The following BRF1 variants were observed in gnomAD, a reference collection of about 807,000 sequenced individuals.
BRF1 encodes the protein BRF1 general transcription factor IIIB subunit.
Under a neutral mutation model 81.7 loss-of-function variants are expected in BRF1, and 59 were observed. The observed-to-expected ratio is 0.72, with a 90% CI of 0.59 to 0.90. BRF1 has a LOEUF of 0.90. Ranked by LOEUF, BRF1 falls within the 40% of genes least tolerant of loss-of-function variation. BRF1 has a pLI of 0.00. For missense variants in BRF1, 1,050 were observed against 936.3 expected, an observed-to-expected ratio of 1.12 and a Z score of -1.58; for synonymous variants, 491 against 395.6, an observed-to-expected ratio of 1.24 and a Z score of -2.86.
At chr14:105,296,912 T>C (rs1399020008) in intron 1 of BRF1, among the ~76,000 whole-genome samples, 1 of 152,044 alleles carries the variant, frequency 6.6e-6, no homozygotes, top group Non-Finnish European at 1.5e-5. Context: ...TTCCAGCACT[T>C]TGAGAGGCTG....
chr14:105,285,079 C>T (rs587646851), intron 2 of BRF1, among the ~76,000 whole-genome samples: 1 of 152,266 alleles, frequency 6.6e-6, no homozygotes, highest in Non-Finnish European at 1.5e-5. Context: ...ACTGTTTAGG[C>T]GGCAGTGTTC....
chr14:105,229,384 T>C (rs1050995542), intron 6 of BRF1, among the ~76,000 whole-genome samples: 1 of 152,188 alleles, frequency 6.6e-6, no homozygotes, highest in African/African-American at 2.4e-5. Context: ...GAACGGCTTC[T>C]CAGGTGGACT....
At chr14:105,242,381 G>C (rs75804509) in intron 5 of BRF1, 1 of 152,106 alleles carries the variant, frequency 6.6e-6, no homozygotes, top group Non-Finnish European at 1.5e-5. Flanking sequence ...CAATTGCTAA[G>C]ATTTTTAATG....
chr14:105,259,169 T>G (rs2056035321), intron 3 of BRF1, among the ~76,000 whole-genome samples: 1 of 152,042 alleles, frequency 6.6e-6, no homozygotes, highest in African/African-American at 2.4e-5. Flanking sequence ...GTCAGCCAGG[T>G]GCAGTGGCTC....
Position 105,226,240 on chromosome 14 carries a change from T to C in BRF1, c.955+11A>G, listed in dbSNP as rs1173897764. On this transcript the variant is annotated intron_variant, in intron 9 of 17. Transcript: ENST00000547530. ...AAACAGAAGCATTACATGGGAAGAT[T>C]GGTTGGTTACCTTCAACCTCCTCCA... 1.2e-6 allele frequency: 2 copies of C among 1,614,096 alleles called. No homozygotes were observed. The highest frequency in any genetic ancestry group is 1.7e-6 in the Non-Finnish European group (2 of 1,180,034).
rs587666677 is a variant in BRF1 at position 105,288,617 on chromosome 14, ATTTC to A, written c.185-2245_185-2242del. 9.6e-3 allele frequency among the ~76,000 whole-genome samples: 1,423 copies of A among 148,454 alleles called. 5 individuals are homozygous for A. The highest frequency in any genetic ancestry group is 0.011 in the African/African-American group (452 of 40,520). The stretch of plus-strand genomic sequence containing the variant: ...CAGCCTGGGCAACACGGGGAGACCC[ATTTC>A]TTTCTTTCTTTCTTTCTTTTTTTTT... On this transcript the variant is annotated intron_variant, in intron 1 of 17. Coordinates refer to ENST00000547530, the MANE Select transcript of BRF1 (RefSeq NM_001519.4).
At chr14:105,219,768 G>T (rs200757800) in intron 12 of BRF1, 211 of 511,034 alleles carry the variant, frequency 4.1e-4, no homozygotes, top group East Asian at 3.8e-3. Flanking sequence ...GAGACCCCTC[G>T]AGGGGCTGCC....
At chr14:105,228,743 C>T (rs2054221565) in intron 7 of BRF1, 77 bp downstream of exon 7, 19 of 1,545,088 alleles carry the variant, frequency 1.2e-5, no homozygotes, top group Non-Finnish European at 1.6e-5. Flanking sequence ...GAGGTGGCGC[C>T]TGCTCTGGCA....
chr14:105,225,721 C>G (rs773052654), intron 10 of BRF1, among the ~76,000 whole-genome samples: 1 of 151,896 alleles, frequency 6.6e-6, no homozygotes, highest in Non-Finnish European at 1.5e-5. Flanking sequence ...GATCTTGGCT[C>G]ACTGCTACCT....
chr14:105,219,173 G>A lies in BRF1; in HGVS notation c.1437C>T (p.Ala479=), dbSNP rs142575478. Residue 479 remains alanine, a synonymous_variant, in exon 13 of 18, where the codon GCC becomes GCT. Transcript: ENST00000547530. The part of the protein sequence containing the change: ...VKAELWMREN[A]EYLREQREKE... ...TACCCCTCTGTTCCCGCAGGTACTC[G>A]GCGTTCTCCCTCATCCACAGCTCGG... 1.9e-5 allele frequency: 31 copies of A among 1,612,252 alleles called. No individual in the cohort carries two copies. The highest frequency in any genetic ancestry group is 1.6e-4 in the African/African-American group (12 of 74,906).
chr14:105,278,375 TG>T (rs894245703), intron 2 of BRF1, among the ~76,000 whole-genome samples: 8 of 147,614 alleles, frequency 5.4e-5, no homozygotes, highest in Non-Finnish European at 1.2e-4. Flanking sequence ...GAGGCTGCAG[TG>T]AGCCATGATC....
intron 7 of BRF1, 147 bp from the exon 8 acceptor site, chr14:105,226,907 G>C: frequency 1.8e-6 from 2 of 1,137,878 alleles, no homozygotes; most frequent in Non-Finnish European, 2.5e-6. Flanking sequence ...CCAAGACTTT[G>C]AGACCAGCCT....
chr14:105,225,076 C>T (rs587740527), intron 10 of BRF1, among the ~76,000 whole-genome samples: 22 of 152,278 alleles, frequency 1.4e-4, no homozygotes, highest in African/African-American at 3.6e-4. Context: ...TTGGGGGCTC[C>T]GGCTGCCACA....
Position 105,220,130 on chromosome 14 carries a change from T to G in BRF1, c.1316A>C (p.Lys439Thr). The G allele has an allele frequency of 6.2e-7, 1 of 1,613,406 alleles. No homozygotes were observed. Among genetic ancestry groups the G allele is most frequent in the South Asian group, 1.1e-5 (1 of 91,080 alleles). ...CAGCTCACCGTCTCCTGAAGCATCT[T>G]CTGGAGGGAAGCACAGCATCCGCGT... ...ECISSQSSDPKDASGDGELDL... is the reference protein window; with the variant it reads ...ECISSQSSDPTDASGDGELDL... Residue 439 changes from lysine to threonine, a missense_variant and splice_region_variant, in exon 12 of 18, where the codon AAA becomes ACA. Physicochemically the swap from Lys to Thr is moderately conservative, Grantham distance 78 (BLOSUM62 -1). Coordinates refer to ENST00000547530, the MANE Select transcript of BRF1 (RefSeq NM_001519.4).
intron 4 of BRF1, 55 bp from the exon 5 acceptor site, chr14:105,252,634 C>CT (rs1478742000): frequency 3.8e-6 from 6 of 1,564,118 alleles, no homozygotes; most frequent in East Asian, 2.3e-5. Flanking sequence ...GAAATGTTTG[C>CT]TTTTTTTCTC....
At chr14:105,216,764 G>A (rs1029794843) in intron 15 of BRF1, among the ~76,000 whole-genome samples, 7 of 152,206 alleles carry the variant, frequency 4.6e-5, no homozygotes, top group African/African-American at 1.7e-4. Flanking sequence ...TGGAGACAAC[G>A]CAAGAGATCC....
chr14:105,249,736 C>T, intron 5 of BRF1: 2 of 1,613,944 alleles, frequency 1.2e-6, no homozygotes, highest in Non-Finnish European at 1.7e-6. Context: ...TGGCAAAAGC[C>T]TGTGTCAACT....
At chr14:105,241,114 G>C (rs587606763) in intron 6 of BRF1, 151 bp downstream of exon 6, 3 of 1,265,992 alleles carry the variant, frequency 2.4e-6, no homozygotes, top group Admixed American at 2.5e-5. Flanking sequence ...TGAGGACCCC[G>C]GTGGGCCAGG....
intron 5 of BRF1, chr14:105,247,928 C>A (rs1020065602): frequency 1.0e-6 from 1 of 985,508 alleles, no homozygotes; most frequent in Admixed American, 6.1e-5. Flanking sequence ...CTAGAGGCCC[C>A]ACAAGGAGCG....
Sources: allele counts gnomAD v4.1 joint callset (sites outside exome capture counted in the v4.1 genomes callset), GRCh38; gene constraint gnomAD v4.1.1; transcripts MANE v1.5; gene names NCBI Gene and HGNC (gene_info 2026-07-23, HGNC 2026-07-21).